CCDC126: variants seen among roughly 807,000 people sequenced by gnomAD.
CCDC126 encodes the protein coiled-coil domain-containing protein 126.
A neutral mutation model predicts 11.7 loss-of-function variants in CCDC126; 5 were observed. The ratio of observed to expected loss-of-function variants is 0.43; its 90% confidence interval spans 0.22 to 0.90. CCDC126 has a LOEUF of 0.90. CCDC126 is among the 40% of genes least tolerant of loss of function. CCDC126 has a pLI of 0.27. For synonymous variants in CCDC126, 60 were observed against 61.9 expected, an observed-to-expected ratio of 0.97 and a Z score of 0.14; for missense variants, 150 against 163.1, an observed-to-expected ratio of 0.92 and a Z score of 0.44.
intron 3 of CCDC126, among the ~76,000 whole-genome samples, chr7:23,617,375 GAAAA>G (rs957845935): frequency 1.8e-5 from 2 of 111,420 alleles, no homozygotes; most frequent in African/African-American, 3.4e-5. Context: ...AAAAAAAAAA[GAAAA>G]GGAAAAAAAA....
chr7:23,613,269 C>T (rs894166513), intron 3 of CCDC126, among the ~76,000 whole-genome samples: 7 of 151,698 alleles, frequency 4.6e-5, no homozygotes, highest in African/African-American at 1.5e-4. Context: ...TGTGATCACA[C>T]GCCACTGCAC....
intron 3 of CCDC126, among the ~76,000 whole-genome samples, chr7:23,634,496 CAT>C (rs1296384278): frequency 3.3e-5 from 5 of 152,186 alleles, no homozygotes; most frequent in African/African-American, 9.7e-5. Context: ...ACATAAAAGA[CAT>C]GTGACATAAG....
At chr7:23,623,909 C>T (rs1463659712) in intron 3 of CCDC126, among the ~76,000 whole-genome samples, 3 of 152,094 alleles carry the variant, frequency 2.0e-5, no homozygotes, top group African/African-American at 7.2e-5. Context: ...GGAATAAAAA[C>T]CCCCTGCACA....
intron 3 of CCDC126, among the ~76,000 whole-genome samples, chr7:23,633,994 G>A (rs1371858289): frequency 2.6e-5 from 4 of 152,238 alleles, no homozygotes; most frequent in South Asian, 2.1e-4. Context: ...CTTGTTCAAT[G>A]TATATGAAAC....
At chr7:23,602,571 C>T (rs1782561353) in intron 2 of CCDC126, among the ~76,000 whole-genome samples, 1 of 152,108 alleles carries the variant, frequency 6.6e-6, no homozygotes, top group African/African-American at 2.4e-5. Flanking sequence ...TCATGCTGTG[C>T]TTTGGGAGCC....
chr7:23,639,143 T>C (rs1783306226), intron 3 of CCDC126, among the ~76,000 whole-genome samples: 1 of 151,738 alleles, frequency 6.6e-6, no homozygotes, highest in Non-Finnish European at 1.5e-5. Flanking sequence ...GTGGTAAACA[T>C]CATATATCTT....
chr7:23,634,992 G>A (rs998775143), intron 3 of CCDC126, among the ~76,000 whole-genome samples: 1 of 152,144 alleles, frequency 6.6e-6, no homozygotes, highest in Non-Finnish European at 1.5e-5. Context: ...ATACTTAATA[G>A]CATCATATAC....
intron 3 of CCDC126, among the ~76,000 whole-genome samples, chr7:23,620,553 C>A (rs1326314410): frequency 1.9e-4 from 28 of 151,130 alleles, no homozygotes; most frequent in Non-Finnish European, 3.6e-4. Flanking sequence ...ATGGTAGTTT[C>A]TTTTGCTGTG....
At chr7:23,609,613 A>C (rs1184251588) in intron 2 of CCDC126, among the ~76,000 whole-genome samples, 1 of 152,196 alleles carries the variant, frequency 6.6e-6, no homozygotes, top group Non-Finnish European at 1.5e-5. Context: ...TATGCCTCTA[A>C]TCCCAGCACT....
intron 2 of CCDC126, among the ~76,000 whole-genome samples, chr7:23,605,651 T>A (rs1782611690): frequency 6.6e-6 from 1 of 152,128 alleles, no homozygotes; most frequent in Admixed American, 6.5e-5. Context: ...ACATCTTACT[T>A]CCTTAGGGCT....
chr7:23,625,153 A>T (rs1782990899), intron 3 of CCDC126, among the ~76,000 whole-genome samples: 1 of 152,120 alleles, frequency 6.6e-6, no homozygotes. Flanking sequence ...CTATTATCTC[A>T]TTTTATAAAT....
intron 2 of CCDC126, among the ~76,000 whole-genome samples, chr7:23,602,466 A>G (rs1325623905): frequency 6.6e-6 from 1 of 152,198 alleles, no homozygotes; most frequent in Non-Finnish European, 1.5e-5. Context: ...CAAATAGTGG[A>G]ACTGCCATTT....
chr7:23,640,250 C>G (rs1223193705), intron 3 of CCDC126, among the ~76,000 whole-genome samples: 2 of 151,768 alleles, frequency 1.3e-5, no homozygotes, highest in African/African-American at 2.4e-5. Flanking sequence ...GTAATCCCAG[C>G]ACTTTGGGAG....
At chr7:23,612,711 TACA>T (rs1782737913) in intron 3 of CCDC126, among the ~76,000 whole-genome samples, 1 of 152,018 alleles carries the variant, frequency 6.6e-6, no homozygotes, top group African/African-American at 2.4e-5. Flanking sequence ...TTGGACATAA[TACA>T]ATACCATTAT....
Position 23,611,270 on chromosome 7 carries a change from C to T in CCDC126, c.-46C>T. 1 of 1,200,462 alleles carries T rather than the reference C, an allele frequency of 8.3e-7. No individual in the cohort carries two copies. The highest frequency in any genetic ancestry group is 1.2e-6 in the Non-Finnish European group (1 of 813,316). 74.4% of individuals were successfully genotyped at this position (1,200,462 alleles called of 1,614,324 possible). A position where few individuals can be genotyped will look rare whatever the true frequency, so the allele number is the denominator to read the frequency against. ...TCAAGTCTTGATTTGTGGCTTACCT[C>T]AAGTTACCATTTTTCAGTCAAGTCT... On this transcript the variant is annotated 5_prime_UTR_variant, in exon 3 of 4. Coordinates refer to ENST00000307471, the MANE Select transcript of CCDC126 (RefSeq NM_138771.4).
At chr7:23,634,805 G>C (rs1429738322) in intron 3 of CCDC126, among the ~76,000 whole-genome samples, 1 of 152,158 alleles carries the variant, frequency 6.6e-6, no homozygotes, top group African/African-American at 2.4e-5. Flanking sequence ...CCTTCTGCCA[G>C]ACAGCCTGCC....
At chr7:23,633,757 G>A (rs1783156177) in intron 3 of CCDC126, among the ~76,000 whole-genome samples, 1 of 152,152 alleles carries the variant, frequency 6.6e-6, no homozygotes, top group South Asian at 2.1e-4. Context: ...GGTAGGCTGA[G>A]GTGGGAGGAC....
chr7:23,638,749 A>G (rs1349523941), intron 3 of CCDC126, among the ~76,000 whole-genome samples: 8 of 139,488 alleles, frequency 5.7e-5, no homozygotes, highest in South Asian at 2.2e-4. Context: ...AAAAAAAACC[A>G]AAAAGATCTA....
intron 3 of CCDC126, among the ~76,000 whole-genome samples, chr7:23,636,040 T>C (rs1283588768): frequency 6.6e-6 from 1 of 152,090 alleles, no homozygotes; most frequent in Non-Finnish European, 1.5e-5. Flanking sequence ...TTTTCGTTTT[T>C]TTTTTGGTGG....
Sources: allele counts gnomAD v4.1 joint callset (sites outside exome capture counted in the v4.1 genomes callset), GRCh38; gene constraint gnomAD v4.1.1; transcripts MANE v1.5; gene names NCBI Gene and HGNC (gene_info 2026-07-23, HGNC 2026-07-21).